The following TAS2R1 variants were observed in gnomAD, a reference collection of about 807,000 sequenced individuals.
The protein encoded by TAS2R1 is taste 2 receptor member 1, also known as taste receptor type 2 member 1.
For synonymous variants in TAS2R1, 141 were observed against 134.2 expected, an observed-to-expected ratio of 1.05 and a Z score of -0.35; for missense variants, 370 against 353.4, an observed-to-expected ratio of 1.05 and a Z score of -0.38.
At chr5:9,875,822 G>GT in the TAS2R1 span, among the ~76,000 whole-genome samples, 6 of 152,224 alleles carry the variant, frequency 3.9e-5, no homozygotes, top group African/African-American at 1.4e-4. Flanking sequence ...AATACAGTGA[G>GT]TCCTGTGGGG....
chr5:9,703,603 C>A, intron 1 of TAS2R1, among the ~76,000 whole-genome samples: 1 of 152,252 alleles, frequency 6.6e-6, no homozygotes, highest in East Asian at 1.9e-4. Flanking sequence ...GACCAATCCC[C>A]GGTAAGCTAT....
the TAS2R1 span, among the ~76,000 whole-genome samples, chr5:9,851,377 T>C: frequency 6.6e-6 from 1 of 152,166 alleles, no homozygotes; most frequent in Non-Finnish European, 1.5e-5. Context: ...TTTAAAAGCC[T>C]AAAATTGACA....
At chr5:9,879,564 G>A in the TAS2R1 span, among the ~76,000 whole-genome samples, 2 of 152,110 alleles carry the variant, frequency 1.3e-5, no homozygotes, top group African/African-American at 2.4e-5. Flanking sequence ...AGCCCTCGAC[G>A]CAAGACAACA....
chr5:9,681,592 G>A (rs577405160), intron 1 of TAS2R1, among the ~76,000 whole-genome samples: 305 of 144,394 alleles, frequency 2.1e-3, no homozygotes, highest in South Asian at 0.015. Context: ...TATTTCTTCT[G>A]CATGACATTC....
chr5:9,757,616 A>G, the TAS2R1 span, among the ~76,000 whole-genome samples: 1 of 152,194 alleles, frequency 6.6e-6, no homozygotes, highest in Non-Finnish European at 1.5e-5. Context: ...ATGCTTAGAC[A>G]TCAAGATTTC....
At chr5:9,841,242 G>C in the TAS2R1 span, among the ~76,000 whole-genome samples, 4 of 152,070 alleles carry the variant, frequency 2.6e-5, no homozygotes, top group African/African-American at 4.8e-5. Flanking sequence ...GAATCACAGT[G>C]CTTCTTGAAT....
At chr5:9,840,199 A>C in the TAS2R1 span, among the ~76,000 whole-genome samples, 1 of 152,176 alleles carries the variant, frequency 6.6e-6, no homozygotes, top group Non-Finnish European at 1.5e-5. Flanking sequence ...TGTCTGCACA[A>C]GTGAGATATT....
At chr5:9,723,278 G>T in the TAS2R1 span, among the ~76,000 whole-genome samples, 1 of 152,182 alleles carries the variant, frequency 6.6e-6, no homozygotes, top group Admixed American at 6.5e-5. Context: ...TATAGCTAAG[G>T]TGCCTAGATT....
rs1388531657 is a variant in TAS2R1, at chr5:9,660,305, T to G, written c.-241-724A>C. Among the ~76,000 whole-genome samples, 3 of 147,552 alleles carry G rather than the reference T, an allele frequency of 2.0e-5. No homozygotes were observed. In the East Asian group the frequency reaches 6.0e-4, roughly 30 times the overall value. On this transcript the variant is annotated intron_variant, in intron 1 of 2. Coordinates refer to the TAS2R1 transcript ENST00000506620. The stretch of plus-strand genomic sequence containing the variant: ...GTTAGCCAGGATGGTCTCAATCTCC[T>G]GACCTCATGATCCACCCGCCTCGGC...
At chr5:9,833,310 G>A in the TAS2R1 span, among the ~76,000 whole-genome samples, 1 of 152,196 alleles carries the variant, frequency 6.6e-6, no homozygotes, top group South Asian at 2.1e-4. Context: ...TACAATCTGA[G>A]GCAGGTTTCT....
chr5:9,752,765 C>T, the TAS2R1 span, among the ~76,000 whole-genome samples: 57 of 150,412 alleles, frequency 3.8e-4, no homozygotes, highest in African/African-American at 1.3e-3. Flanking sequence ...GTTCTCATTG[C>T]TCAATTCCCA....
chr5:9,730,312 G>T, the TAS2R1 span, among the ~76,000 whole-genome samples: 2 of 152,168 alleles, frequency 1.3e-5, no homozygotes, highest in African/African-American at 2.4e-5. Flanking sequence ...CAGTGAACTG[G>T]CAAGTAGGTC....
the TAS2R1 span, among the ~76,000 whole-genome samples, chr5:9,735,025 TCAGGAAA>T: frequency 2.0e-5 from 3 of 151,464 alleles, no homozygotes; most frequent in African/African-American, 7.3e-5. Flanking sequence ...TAGGGAGGCC[TCAGGAAA>T]CTTACAGTCG....
chr5:9,643,144 G>T (rs1740119787), intron 2 of TAS2R1, among the ~76,000 whole-genome samples: 1 of 152,074 alleles, frequency 6.6e-6, no homozygotes, highest in Admixed American at 6.6e-5. Flanking sequence ...GCCATGCACT[G>T]CTTAATCACA....
At chr5:9,853,839 A>T in the TAS2R1 span, among the ~76,000 whole-genome samples, 1 of 152,258 alleles carries the variant, frequency 6.6e-6, no homozygotes, top group South Asian at 2.1e-4. Context: ...CACATTTGAG[A>T]GCAATTATAA....
chr5:9,724,316 T>G, the TAS2R1 span, among the ~76,000 whole-genome samples: 2 of 151,766 alleles, frequency 1.3e-5, no homozygotes, highest in Admixed American at 6.6e-5. Context: ...TTTGGCCTTT[T>G]AAAAATGCCT....
chr5:9,635,832 T>C (rs1040300832), intron 2 of TAS2R1, among the ~76,000 whole-genome samples: 5 of 152,138 alleles, frequency 3.3e-5, no homozygotes, highest in Non-Finnish European at 5.9e-5. Context: ...TCTCATTTTT[T>C]CTTGGTTAAT....
the TAS2R1 span, among the ~76,000 whole-genome samples, chr5:9,766,831 G>T: frequency 6.6e-6 from 1 of 152,108 alleles, no homozygotes; most frequent in Non-Finnish European, 1.5e-5. Flanking sequence ...AGGGAGGGAG[G>T]TGTGACTCAG....
chr5:9,650,851 T>C (rs983908435), intron 2 of TAS2R1, among the ~76,000 whole-genome samples: 1 of 152,210 alleles, frequency 6.6e-6, no homozygotes, highest in African/African-American at 2.4e-5. Flanking sequence ...TTTTCTTCGC[T>C]GCTATATACC....
Sources: allele counts gnomAD v4.1 joint callset (sites outside exome capture counted in the v4.1 genomes callset), GRCh38; gene constraint gnomAD v4.1.1; transcripts MANE v1.5; gene names NCBI Gene and HGNC (gene_info 2026-07-23, HGNC 2026-07-21).